The following ADAM12 variants were observed in gnomAD, a reference collection of about 807,000 sequenced individuals.
ADAM12 encodes disintegrin and metalloproteinase domain-containing protein 12.
ADAM12 carries 70 observed loss-of-function variants against 106.4 expected under a neutral mutation model. The observed-to-expected ratio is 0.66, with a 90% CI of 0.54 to 0.80. The LOEUF is 0.80. Among genes scored for constraint, ADAM12 ranks in the 30% least tolerant of loss-of-function variants. The pLI is 0.00. For missense variants in ADAM12, 1,010 were observed against 1,171.9 expected (o/e 0.86, Z 2.02); for synonymous variants, 420 against 433.5 (o/e 0.97, Z 0.39).
rs774190635 is a variant in ADAM12 at position 126,036,264 on chromosome 10, A to G, written c.2411T>C (p.Leu804Pro). 1.3e-6 allele frequency: 2 copies of G among 1,560,200 alleles called. No individual in the cohort carries two copies. Among genetic ancestry groups the G allele is most frequent in the Admixed American group, 4.2e-5 (2 of 47,788 alleles). Reference sequence around the variant, plus strand: ...AGTTGACTGGGGCTGAGGGACATTCAGGCCGTTGAGGGGTCTGCTGATGTC... The same window carrying G: ...AGTTGACTGGGGCTGAGGGACATTCGGGCCGTTGAGGGGTCTGCTGATGTC... ...NVDISRPLNGLNVPQPQSTQR... is the reference protein window; with the variant it reads ...NVDISRPLNGPNVPQPQSTQR... The change falls in exon 21 of 23, where the codon CTG (leucine) becomes CCG (proline). Residue 804 changes from leucine (L) to proline (P), a missense_variant. This residue lies in a region of ADAM12 where 615 missense variants were observed against 708.5 expected (regional missense o/e 0.87). Coordinates refer to ENST00000448723, the MANE Select transcript of ADAM12 (RefSeq NM_001288973.2).
In ADAM12 at chr10:126,049,285, C is replaced by T; in HGVS notation, c.1885G>A (p.Val629Met). ...LGDDMPDPGL[V>M]LAGTKCADGK... ...TCTGCACACTTTGTGCCTGCAAGCACAAGCCCTGGGTCCGGCATGTCATCG... is the reference window on the plus strand; with the variant it reads ...TCTGCACACTTTGTGCCTGCAAGCATAAGCCCTGGGTCCGGCATGTCATCG... Residue 629 changes from valine to methionine, a missense_variant, in exon 16 of 23, where the codon GTG (valine) becomes ATG (methionine). Val to Met is a conservative substitution (Grantham distance 21). Transcript: ENST00000448723. The surrounding 1 kb of genome is among the most constrained non-coding windows in gnomAD (Gnocchi z 4.4). 1 of 1,614,232 alleles carries T rather than the reference C, an allele frequency of 6.2e-7. No homozygotes were observed. The highest frequency in any genetic ancestry group is 8.5e-7 in the Non-Finnish European group (1 of 1,180,048).
intron 3 of ADAM12, among the ~76,000 whole-genome samples, chr10:126,252,457 A>T (rs1268217262): frequency 6.6e-6 from 1 of 152,132 alleles, no homozygotes; most frequent in Non-Finnish European, 1.5e-5. Flanking sequence ...ACACCAAGGG[A>T]GCTGATGATG....
At chr10:126,220,798 C>T (rs1958076215) in intron 3 of ADAM12, among the ~76,000 whole-genome samples, 2 of 152,232 alleles carry the variant, frequency 1.3e-5, no homozygotes, top group African/African-American at 2.4e-5. Flanking sequence ...TTAGGAGCCG[C>T]TCCTCCCAGA....
At chr10:126,206,716 G>A (rs1158117299) in intron 3 of ADAM12, among the ~76,000 whole-genome samples, 1 of 152,204 alleles carries the variant, frequency 6.6e-6, no homozygotes, top group Non-Finnish European at 1.5e-5. Flanking sequence ...TTCTAAGTAT[G>A]TTGCAGTAGG....
At chr10:126,215,341 T>C (rs2133843356) in intron 3 of ADAM12, among the ~76,000 whole-genome samples, 1 of 152,338 alleles carries the variant, frequency 6.6e-6, no homozygotes, top group Admixed American at 6.5e-5. Flanking sequence ...TCCTCTTTCC[T>C]GTGGCCTCTC....
At chr10:126,367,133 T>C (rs538107762) in intron 1 of ADAM12, among the ~76,000 whole-genome samples, 2 of 152,040 alleles carry the variant, frequency 1.3e-5, no homozygotes, top group South Asian at 4.1e-4. Flanking sequence ...CTTTCAACCA[T>C]TCATGGAATA....
At chr10:126,281,693 T>C (rs1959589798) in intron 2 of ADAM12, among the ~76,000 whole-genome samples, 1 of 152,178 alleles carries the variant, frequency 6.6e-6, no homozygotes, top group South Asian at 2.1e-4. Context: ...CCATTGGAGA[T>C]GATGAAGTAG....
intron 6 of ADAM12, among the ~76,000 whole-genome samples, chr10:126,116,875 A>G (rs1174234014): frequency 6.6e-6 from 1 of 152,214 alleles, no homozygotes. Context: ...GATAACCCCT[A>G]CTGTTTCCAA....
chr10:126,134,697 C>A (rs903160777), intron 5 of ADAM12, among the ~76,000 whole-genome samples: 2 of 152,184 alleles, frequency 1.3e-5, no homozygotes, highest in Middle Eastern at 3.2e-3. Flanking sequence ...GTGTCACATG[C>A]ATATTCTCAT....
At chr10:126,374,283 A>C (rs1856204887) in intron 1 of ADAM12, among the ~76,000 whole-genome samples, 1 of 152,154 alleles carries the variant, frequency 6.6e-6, no homozygotes, top group Non-Finnish European at 1.5e-5. Context: ...TCCCATGGAG[A>C]GGGTAGCAGT....
chr10:126,299,077 G>A (rs149998059), intron 2 of ADAM12, among the ~76,000 whole-genome samples: 17 of 152,218 alleles, frequency 1.1e-4, no homozygotes, highest in East Asian at 9.7e-4. Context: ...GGAATGAAGC[G>A]GTAAGGTTAA....
intron 3 of ADAM12, among the ~76,000 whole-genome samples, chr10:126,210,795 G>T (rs973677324): frequency 6.6e-6 from 1 of 152,108 alleles, no homozygotes; most frequent in African/African-American, 2.4e-5. Flanking sequence ...GGGCTTTTCT[G>T]GACATTAAGG....
intron 5 of ADAM12, among the ~76,000 whole-genome samples, chr10:126,125,277 G>A (rs115889014): frequency 0.013 from 1,652 of 129,840 alleles, 37 homozygotes; most frequent in African/African-American, 0.045. Context: ...ACGGAGTCTC[G>A]CTTTGTCACC....
At chr10:126,115,385 G>T (rs749185859) in intron 6 of ADAM12, among the ~76,000 whole-genome samples, 1 of 152,190 alleles carries the variant, frequency 6.6e-6, no homozygotes, top group Non-Finnish European at 1.5e-5. Context: ...GGAGTCTGCT[G>T]TGGGGGAGCT....
At chr10:126,317,607 T>A (rs1435436200) in intron 2 of ADAM12, among the ~76,000 whole-genome samples, 1 of 75,020 alleles carries the variant, frequency 1.3e-5, no homozygotes, top group Non-Finnish European at 2.5e-5. Flanking sequence ...GGAATTAATT[T>A]TTTTAAGAAA....
chr10:126,347,624 A>C (rs2133881004), intron 1 of ADAM12, among the ~76,000 whole-genome samples: 1 of 152,334 alleles, frequency 6.6e-6, no homozygotes, highest in South Asian at 2.1e-4. Flanking sequence ...ATGTTTGGCC[A>C]CTTATAAAGA....
Position 126,388,332 on chromosome 10 carries a change from GT to G in ADAM12, c.-188del. The G allele has an allele frequency of 5.3e-6, 5 of 947,828 alleles. No homozygotes were observed. Among genetic ancestry groups the G allele is most frequent in the Non-Finnish European group, 5.4e-6 (4 of 745,386 alleles). 58.7% of individuals were successfully genotyped at this position (947,828 alleles called of 1,614,324 possible). On this transcript the variant is annotated 5_prime_UTR_variant, in exon 1 of 23. Coordinates refer to ENST00000448723, the MANE Select transcript of ADAM12 (RefSeq NM_001288973.2). This position sits in a 1 kb window ranked among gnomAD's most constrained non-coding sequence, Gnocchi z 4.4. ...CTTCTAGCCTTTCATTTTTAAAAAA[GT>G]TTCCCCCCGTGTGTGTGCGTGCGTG...
At chr10:126,195,923 GATC>G (rs1440014086) in intron 3 of ADAM12, among the ~76,000 whole-genome samples, 1 of 152,144 alleles carries the variant, frequency 6.6e-6, no homozygotes, top group Admixed American at 6.5e-5. Flanking sequence ...AGTAAAACCC[GATC>G]ACCGTCTCAC....
At chr10:126,122,030 G>A (rs1956125195) in intron 5 of ADAM12, among the ~76,000 whole-genome samples, 1 of 152,182 alleles carries the variant, frequency 6.6e-6, no homozygotes, top group Admixed American at 6.5e-5. Flanking sequence ...GCAGCATCGA[G>A]ATATCCGGGA....
Sources: allele counts gnomAD v4.1 joint callset (sites outside exome capture counted in the v4.1 genomes callset), GRCh38; gene constraint gnomAD v4.1.1; regional missense constraint gnomAD v4.1.1; non-coding constraint Gnocchi (gnomAD v3.1); transcripts MANE v1.5; gene names NCBI Gene and HGNC (gene_info 2026-07-23, HGNC 2026-07-21).